PVT1: variants seen among roughly 807,000 people sequenced by gnomAD.
PVT1 encodes the protein CXCR4/PVT1 fusion.
At chr8:127,878,773 G>C (rs1363280682) in intron 2 of PVT1, among the ~76,000 whole-genome samples, 1 of 152,240 alleles carries the variant, frequency 6.6e-6, no homozygotes, top group East Asian at 1.9e-4. Flanking sequence ...CCATCAGCGA[G>C]AAATACCCAC....
intron 4 of PVT1, among the ~76,000 whole-genome samples, chr8:128,034,449 G>C (rs891069027): frequency 2.6e-5 from 4 of 152,132 alleles, no homozygotes; most frequent in African/African-American, 9.7e-5. Context: ...CCAGGGCTTC[G>C]CTCTGGTCCA....
chr8:127,820,951 C>T (rs192445151), intron 2 of PVT1, among the ~76,000 whole-genome samples: 3 of 152,038 alleles, frequency 2.0e-5, no homozygotes, highest in Admixed American at 6.5e-5. Context: ...TCAAGTGATC[C>T]GCCCGCCTTG....
chr8:127,965,386 C>G (rs1048504736), intron 3 of PVT1, among the ~76,000 whole-genome samples: 2 of 152,202 alleles, frequency 1.3e-5, no homozygotes, highest in Admixed American at 1.3e-4. Flanking sequence ...CCCCCTACCC[C>G]TCACAGCGTC....
chr8:127,896,290 A>T (rs147390688), intron 3 of PVT1, among the ~76,000 whole-genome samples: 4 of 151,898 alleles, frequency 2.6e-5, no homozygotes, highest in Non-Finnish European at 5.9e-5. Context: ...GGTCTCGGTG[A>T]CAGTTTTGGG....
intron 3 of PVT1, among the ~76,000 whole-genome samples, chr8:127,914,890 A>G (rs1278427271): frequency 2.0e-5 from 3 of 150,322 alleles, no homozygotes; most frequent in Admixed American, 1.3e-4. Context: ...CAGTGGTGCA[A>G]TCTCAGCTCA....
At chr8:127,985,070 G>A (rs151080010) in intron 3 of PVT1, among the ~76,000 whole-genome samples, 1,316 of 131,046 alleles carry the variant, frequency 0.01, 11 homozygotes, top group Non-Finnish European at 0.016. Flanking sequence ...TTCTCACTCT[G>A]TCGCCGAGGC....
chr8:127,934,836 T>G (rs532354642), intron 3 of PVT1, among the ~76,000 whole-genome samples: 1 of 152,256 alleles, frequency 6.6e-6, no homozygotes, highest in South Asian at 2.1e-4. Flanking sequence ...TCAAATTTGG[T>G]AATTGCTTAG....
intron 2 of PVT1, among the ~76,000 whole-genome samples, chr8:127,812,746 G>A (rs996809223): frequency 2.0e-5 from 3 of 151,596 alleles, no homozygotes; most frequent in African/African-American, 4.8e-5. Context: ...AAAACCGGTC[G>A]GCTATCTTGA....
At chr8:127,874,720 T>C (rs1284842408) in intron 2 of PVT1, among the ~76,000 whole-genome samples, 1 of 152,116 alleles carries the variant, frequency 6.6e-6, no homozygotes, top group Admixed American at 6.5e-5. Flanking sequence ...AGCAGTTCAA[T>C]TTGTTGTGTG....
intron 2 of PVT1, among the ~76,000 whole-genome samples, chr8:127,855,658 C>T (rs150191391): frequency 7.9e-5 from 12 of 152,308 alleles, no homozygotes; most frequent in African/African-American, 1.4e-4. Flanking sequence ...GGTGAACTCC[C>T]GTCATGTCAG....
At chr8:127,842,241 G>A (rs895291265) in intron 2 of PVT1, among the ~76,000 whole-genome samples, 3 of 141,582 alleles carry the variant, frequency 2.1e-5, no homozygotes, top group Non-Finnish European at 4.5e-5. Flanking sequence ...TTGCTCTTTT[G>A]TGGAACTGCT....
At chr8:127,802,884 A>C (rs1814481331) in intron 2 of PVT1, among the ~76,000 whole-genome samples, 2 of 152,108 alleles carry the variant, frequency 1.3e-5, no homozygotes, top group Non-Finnish European at 1.5e-5. Context: ...TGTAGCCCAG[A>C]AGCTGGAAGA....
chr8:128,026,331 C>G (rs1817492838), intron 4 of PVT1, among the ~76,000 whole-genome samples: 1 of 151,012 alleles, frequency 6.6e-6, no homozygotes, highest in Non-Finnish European at 1.5e-5. Flanking sequence ...TTTTTTTATT[C>G]AAAGGGCTTG....
chr8:128,005,891 G>T (rs1026377127), intron 4 of PVT1, among the ~76,000 whole-genome samples: 1 of 152,110 alleles, frequency 6.6e-6, no homozygotes, highest in African/African-American at 2.4e-5. Flanking sequence ...ATTACTTGAG[G>T]TCAGGAGTTC....
At chr8:127,893,412 G>A (rs535192562) in intron 3 of PVT1, among the ~76,000 whole-genome samples, 3 of 152,264 alleles carry the variant, frequency 2.0e-5, no homozygotes, top group Admixed American at 2.0e-4. Context: ...AAGTAGCTGG[G>A]ACTACAGGCG....
intron 5 of PVT1, among the ~76,000 whole-genome samples, chr8:128,081,018 A>G (rs143301463): frequency 3.9e-5 from 6 of 152,242 alleles, no homozygotes; most frequent in African/African-American, 1.4e-4. Flanking sequence ...TCAGTTGACT[A>G]TATATATGTG....
chr8:127,855,363 C>G (rs570550721), intron 2 of PVT1: 1 of 395,086 alleles, frequency 2.5e-6, no homozygotes, highest in African/African-American at 2.1e-5. Flanking sequence ...TCCCGGTGTG[C>G]GGAAATTGGA....
chr8:127,917,218 A>T (rs1586434911), intron 3 of PVT1, among the ~76,000 whole-genome samples: 2 of 151,938 alleles, frequency 1.3e-5, no homozygotes. Context: ...CCACCCATCC[A>T]CCCACCCACA....
At chr8:128,002,955 C>CTCCG (rs1204247121) in intron 4 of PVT1, among the ~76,000 whole-genome samples, 3 of 57,176 alleles carry the variant, frequency 5.2e-5, no homozygotes, top group Non-Finnish European at 1.2e-4. Context: ...CTCTGCCTCC[C>CTCCG]TCCCTCCCTC....
Sources: allele counts gnomAD v4.1 joint callset (sites outside exome capture counted in the v4.1 genomes callset), GRCh38; gene constraint gnomAD v4.1.1; transcripts MANE v1.5; gene names NCBI Gene and HGNC (gene_info 2026-07-23, HGNC 2026-07-21).